Variants in CASK observed in about 807,000 individuals in gnomAD.
The protein encoded by CASK is calcium/calmodulin dependent serine protein kinase.
A neutral mutation model predicts 82.9 loss-of-function variants in CASK; 4 were observed. The observed-to-expected ratio is 0.05, with a 90% confidence interval of 0.02 to 0.11. The LOEUF (loss-of-function observed/expected upper bound fraction) is 0.11. Ranked by LOEUF, CASK falls within the 10% of genes least tolerant of loss-of-function variation. The pLI is 1.00. For synonymous variants in CASK, 259 were observed against 253.5 expected (o/e 1.02, Z -0.20); for missense variants, 358 against 720.9 (o/e 0.50, Z 5.76).
At chrX:41,761,352 T>C (rs2068997569) in intron 3 of CASK, among the ~76,000 whole-genome samples, 1 of 111,551 alleles carries the variant, frequency 9.0e-6, no homozygotes, top group East Asian at 2.8e-4. Flanking sequence ...AGCCCTGATA[T>C]GGCCTTGCAG....
chrX:41,676,438 A>G (rs1203284063), intron 5 of CASK: 21 of 1,197,181 alleles, frequency 1.8e-5, no homozygotes, highest in Non-Finnish European at 2.3e-5. Context: ...CCATGTCATC[A>G]TATCGCTCAG....
chrX:41,604,238 C>T (rs947884575), intron 12 of CASK, among the ~76,000 whole-genome samples: 9 of 105,376 alleles, frequency 8.5e-5, no homozygotes, highest in African/African-American at 3.1e-4. Context: ...TATTGTCCCT[C>T]ACTCAAAATT....
chrX:41,912,689 C>T (rs1260671731), intron 1 of CASK, among the ~76,000 whole-genome samples: 17 of 105,583 alleles, frequency 1.6e-4, no homozygotes, highest in African/African-American at 5.5e-4. Flanking sequence ...GTAATCGCAG[C>T]GCTTTGGGAG....
intron 5 of CASK, among the ~76,000 whole-genome samples, chrX:41,681,821 T>C (rs1315326655): frequency 9.1e-6 from 1 of 109,292 alleles, no homozygotes; most frequent in African/African-American, 3.3e-5. Flanking sequence ...GGCAGGCGCC[T>C]GTAAATCCCA....
intron 2 of CASK, among the ~76,000 whole-genome samples, chrX:41,803,548 C>T (rs944048411): frequency 4.0e-4 from 45 of 111,445 alleles, no homozygotes; most frequent in Non-Finnish European, 7.5e-4. Context: ...GCCAAGATCA[C>T]GCCATTGCAC....
At position 41,671,103 on chromosome X, in the gene CASK, T is replaced by A. The variant is rs747232721; in HGVS notation, c.532+325A>T. ...CAGGAAGTGGCTAATCTACACATTT[T>A]AGATTTGACTTCATTTGGCCAGTTC... is the stretch of plus-strand genomic sequence containing the variant. On this transcript the variant is annotated intron_variant, in intron 6 of 26. Transcript: ENST00000378163. Among the ~76,000 whole-genome samples, 7 of 112,317 alleles carry A rather than the reference T, an allele frequency of 6.2e-5. No individual in the cohort carries two copies. The Middle Eastern group carries it at 0.014, about 220-fold the overall frequency.
At chrX:41,537,901 GTGGGATCT>G (rs1207007748) in intron 22 of CASK, among the ~76,000 whole-genome samples, 1 of 108,183 alleles carries the variant, frequency 9.2e-6, no homozygotes, top group African/African-American at 3.4e-5. Context: ...GAGTGCAGTG[GTGGGATCT>G]TGGCTCACTG....
chrX:41,533,885 C>T lies in CASK; in HGVS notation c.2317+821G>A, dbSNP rs186189777. Among the ~76,000 whole-genome samples, 278 of 111,236 alleles carry T rather than the reference C, an allele frequency of 2.5e-3. 1 individual carries two copies. Among genetic ancestry groups the T allele is most frequent in the African/African-American group, 8.8e-3 (271 of 30,638 alleles). On this transcript the variant is annotated intron_variant, in intron 24 of 26. Transcript: ENST00000378163. ...GTTGGTCAGGCTGGTCTCAAACTCC[C>T]GACCTCAGGTGATTCGCCCACCTCA... is the stretch of plus-strand genomic sequence containing the variant.
intron 24 of CASK, 135 bp from the exon 25 acceptor site, chrX:41,531,344 T>G (rs2064801474): frequency 3.6e-6 from 2 of 551,576 alleles, no homozygotes; most frequent in Admixed American, 5.0e-5. Context: ...TCCCCTGTTC[T>G]CACCCCCAGT....
chrX:41,824,023 A>G (rs2070604803), intron 2 of CASK, among the ~76,000 whole-genome samples: 1 of 112,072 alleles, frequency 8.9e-6, no homozygotes, highest in Non-Finnish European at 1.9e-5. Context: ...AGTTACTGAG[A>G]TGCAAGATGT....
chrX:41,753,015 C>T (rs1184027202), intron 3 of CASK, among the ~76,000 whole-genome samples: 1 of 111,762 alleles, frequency 8.9e-6, no homozygotes, highest in African/African-American at 3.3e-5. Context: ...AACCTAAATT[C>T]CCAACAGAAT....
chrX:41,656,660 C>T (rs767861118), intron 8 of CASK, among the ~76,000 whole-genome samples: 1 of 111,121 alleles, frequency 9.0e-6, no homozygotes, highest in African/African-American at 3.3e-5. Flanking sequence ...TGTACTCACA[C>T]TCAACATGAG....
In CASK at chrX:41,727,051, C is replaced by A. The variant is rs138093063; in HGVS notation, c.429+12333G>T. On this transcript the variant is annotated intron_variant, in intron 5 of 26. Coordinates refer to ENST00000378163, the MANE Select transcript of CASK (RefSeq NM_001367721.1). ...AATGAACAACAATACAACATGTATT[C>A]AACCATCTATGATCTCTTCCATGGC... 7.5e-5 allele frequency: 87 copies of A among 1,160,367 alleles called. No individual in the cohort carries two copies. Among genetic ancestry groups the A allele is most frequent in the Non-Finnish European group, 9.3e-5 (80 of 860,543 alleles).
At chrX:41,723,333 C>T (rs2068200120) in intron 5 of CASK, among the ~76,000 whole-genome samples, 2 of 111,936 alleles carry the variant, frequency 1.8e-5, no homozygotes, top group Admixed American at 1.9e-4. Context: ...AGTCTTCCTC[C>T]CCAGATGTAC....
At chrX:41,835,712 C>A (rs922721229) in intron 2 of CASK, among the ~76,000 whole-genome samples, 1 of 110,940 alleles carries the variant, frequency 9.0e-6, no homozygotes, top group Admixed American at 9.5e-5. Context: ...TAACAAATAG[C>A]CACATACTTT....
At chrX:41,822,579 A>G (rs1236862169) in intron 2 of CASK, among the ~76,000 whole-genome samples, 3 of 108,531 alleles carry the variant, frequency 2.8e-5, no homozygotes, top group Non-Finnish European at 5.7e-5. Context: ...AAAAAAAAAA[A>G]AAAGAAAAAA....
intron 5 of CASK, among the ~76,000 whole-genome samples, chrX:41,682,898 A>G (rs1186093046): frequency 2.7e-5 from 3 of 110,998 alleles, no homozygotes; most frequent in African/African-American, 9.8e-5. Context: ...TGCAGTTGGA[A>G]TTATATCAGG....
intron 2 of CASK, among the ~76,000 whole-genome samples, chrX:41,851,992 A>C (rs2071275120): frequency 9.0e-6 from 1 of 111,542 alleles, no homozygotes; most frequent in African/African-American, 3.2e-5. Context: ...CTAGATTTAT[A>C]AAATAATTTA....
chrX:41,745,077 G>C (rs1278394272), intron 4 of CASK, among the ~76,000 whole-genome samples: 1 of 112,036 alleles, frequency 8.9e-6, no homozygotes, highest in Admixed American at 9.5e-5. Context: ...GAGTGCAATA[G>C]CGCAATCTCG....
Sources: allele counts gnomAD v4.1 joint callset (sites outside exome capture counted in the v4.1 genomes callset), GRCh38; gene constraint gnomAD v4.1.1; transcripts MANE v1.5; gene names NCBI Gene and HGNC (gene_info 2026-07-23, HGNC 2026-07-21).